Variants in GABRA2 observed in about 807,000 individuals in gnomAD.
GABRA2 encodes the protein gamma-aminobutyric acid receptor subunit alpha-2.
In GABRA2, 16 loss-of-function variants were observed where a neutral mutation model predicts 48.7. The ratio of observed to expected loss-of-function variants is 0.33; its 90% CI spans 0.22 to 0.50. The LOEUF (loss-of-function observed/expected upper bound fraction) is 0.50, where lower values mean the gene tolerates loss of function less well. Among genes scored for constraint, GABRA2 ranks in the 20% least tolerant of loss-of-function variants. The pLI is 0.98. For synonymous variants in GABRA2, 185 were observed against 184.5 expected (o/e 1.00, Z -0.02); for missense variants, 275 against 535.6 (o/e 0.51, Z 4.80).
At chr4:46,378,870 T>G (rs1716361998) in intron 3 of GABRA2, among the ~76,000 whole-genome samples, 1 of 152,054 alleles carries the variant, frequency 6.6e-6, no homozygotes, top group Non-Finnish European at 1.5e-5. Context: ...GCCATGCACT[T>G]TACTGACATC....
At chr4:46,274,655 T>A (rs1200496209) in intron 8 of GABRA2, among the ~76,000 whole-genome samples, 2 of 152,062 alleles carry the variant, frequency 1.3e-5, no homozygotes, top group African/African-American at 4.8e-5. Flanking sequence ...CCTATAAGCA[T>A]ACGTGCCTTA....
rs1713744653 is a variant in GABRA2 at position 46,246,552 on chromosome 4, A to G, written c.*3756T>C. The stretch of plus-strand genomic sequence containing the variant: ...ACGAGGTGCCTATGGGACCTCAATT[A>G]AAAGGAAAATGAATGGCACTATAGG... On this transcript the variant is annotated 3_prime_UTR_variant, in exon 10 of 10. Transcript: ENST00000381620. 6.6e-6 allele frequency among the ~76,000 whole-genome samples: 1 copy of G among 151,150 alleles called. No individual in the cohort carries two copies. The highest frequency in any genetic ancestry group is 2.1e-4 in the South Asian group (1 of 4,824).
At chr4:46,342,219 G>C (rs1733361437) in intron 3 of GABRA2, among the ~76,000 whole-genome samples, 1 of 152,056 alleles carries the variant, frequency 6.6e-6, no homozygotes, top group Non-Finnish European at 1.5e-5. Flanking sequence ...TCTTGTAAAT[G>C]CTCCTCAAAT....
chr4:46,353,346 C>T (rs185670318), intron 3 of GABRA2, among the ~76,000 whole-genome samples: 1 of 152,186 alleles, frequency 6.6e-6, no homozygotes, highest in East Asian at 1.9e-4. Context: ...CCCTCTTGAC[C>T]AGTCTCCTTG....
intron 4 of GABRA2, among the ~76,000 whole-genome samples, chr4:46,330,871 AGTT>A (rs1197965196): frequency 2.6e-5 from 4 of 152,024 alleles, no homozygotes; most frequent in Admixed American, 2.6e-4. Context: ...TTTAGATAGA[AGTT>A]AGGTGTTTAT....
Position 46,297,554 on chromosome 4 carries a change from G to T in GABRA2, c.856+5906C>A, listed in dbSNP as rs148455069. Among the ~76,000 whole-genome samples the T allele has an allele frequency of 5.0e-4, 66 of 132,090 alleles. No individual in the cohort carries two copies. In the South Asian group the frequency reaches 7.7e-3, roughly 15 times the overall value. The allele number at this position is 132,090 out of a possible 152,430, so 86.7% of individuals were successfully genotyped here. Reference sequence around the variant, plus strand: ...TATACACTCTAGAGAACCCTAATACGATTATCTAATTTGTTGGTGTGATAT... The same window carrying T: ...TATACACTCTAGAGAACCCTAATACTATTATCTAATTTGTTGGTGTGATAT... On this transcript the variant is annotated intron_variant, in intron 8 of 9. Transcript: ENST00000381620.
intron 4 of GABRA2, among the ~76,000 whole-genome samples, chr4:46,318,872 A>G (rs147537779): frequency 6.6e-6 from 1 of 151,822 alleles, no homozygotes; most frequent in East Asian, 1.9e-4. Flanking sequence ...GTTACACTGA[A>G]GAGTTGAAAA....
At chr4:46,348,359 C>T (rs1295276917) in intron 3 of GABRA2, among the ~76,000 whole-genome samples, 6 of 151,918 alleles carry the variant, frequency 3.9e-5, no homozygotes, top group South Asian at 2.1e-4. Context: ...TTGTGGAAGT[C>T]GGTGTGGCGA....
intron 3 of GABRA2, among the ~76,000 whole-genome samples, chr4:46,371,342 T>C (rs1220642897): frequency 6.6e-6 from 1 of 152,182 alleles, no homozygotes; most frequent in East Asian, 1.9e-4. Flanking sequence ...AAATCAAGCG[T>C]ACTATTATAT....
intron 8 of GABRA2, among the ~76,000 whole-genome samples, chr4:46,280,490 T>G (rs1721321327): frequency 6.6e-6 from 1 of 152,190 alleles, no homozygotes; most frequent in Admixed American, 6.6e-5. Flanking sequence ...AAGGACTTAC[T>G]GATTTCTGAA....
At chr4:46,335,495 T>C (rs2109827041) in intron 3 of GABRA2, among the ~76,000 whole-genome samples, 1 of 152,250 alleles carries the variant, frequency 6.6e-6, no homozygotes, top group South Asian at 2.1e-4. Flanking sequence ...GTTCTTTAGA[T>C]GGAATTTCGC....
At chr4:46,282,020 G>A (rs569454262) in intron 8 of GABRA2, among the ~76,000 whole-genome samples, 6 of 152,216 alleles carry the variant, frequency 3.9e-5, no homozygotes, top group Middle Eastern at 3.4e-3. Flanking sequence ...AGAGTATGTC[G>A]GCATAGGAGC....
chr4:46,312,371 G>A (rs1197422326), intron 5 of GABRA2, 125 bp downstream of exon 5: 3 of 594,558 alleles, frequency 5.0e-6, no homozygotes, highest in Non-Finnish European at 8.9e-6. Flanking sequence ...GCATATTATT[G>A]GTACTTCAAT....
chr4:46,302,501 T>C (rs1015321666), intron 8 of GABRA2: 1 of 152,134 alleles, frequency 6.6e-6, no homozygotes, highest in African/African-American at 2.4e-5. Context: ...AATCAAACAC[T>C]CTAGTAAAAG....
At chr4:46,265,379 GTA>G (rs1717920868) in intron 8 of GABRA2, among the ~76,000 whole-genome samples, 1 of 106,640 alleles carries the variant, frequency 9.4e-6, no homozygotes, top group African/African-American at 6.0e-5. Flanking sequence ...GTGTGTGTGT[GTA>G]CACAATATAT....
chr4:46,354,150 C>T (rs926266990), intron 3 of GABRA2, among the ~76,000 whole-genome samples: 9 of 152,128 alleles, frequency 5.9e-5, no homozygotes, highest in African/African-American at 2.2e-4. Context: ...ATTACTCCTC[C>T]TCTTGGCAAA....
intron 3 of GABRA2, chr4:46,366,530 A>G (rs1316450161): frequency 6.6e-6 from 1 of 152,112 alleles, no homozygotes; most frequent in African/African-American, 2.4e-5. Flanking sequence ...AGAAAATTAT[A>G]TTGGATAGAA....
chr4:46,372,162 A>T (rs1377310715), intron 3 of GABRA2, among the ~76,000 whole-genome samples: 1 of 152,228 alleles, frequency 6.6e-6, no homozygotes, highest in African/African-American at 2.4e-5. Context: ...CAGATGTGAC[A>T]GACATTGCCA....
At chr4:46,267,213 T>G (rs891743597) in intron 8 of GABRA2, among the ~76,000 whole-genome samples, 1 of 152,100 alleles carries the variant, frequency 6.6e-6, no homozygotes, top group Non-Finnish European at 1.5e-5. Flanking sequence ...GATTTTTCTT[T>G]TTGGACTGTT....
Sources: allele counts gnomAD v4.1 joint callset (sites outside exome capture counted in the v4.1 genomes callset), GRCh38; gene constraint gnomAD v4.1.1; transcripts MANE v1.5; gene names NCBI Gene and HGNC (gene_info 2026-07-23, HGNC 2026-07-21).